Variants in CEP95 observed in about 807,000 individuals in gnomAD.
CEP95 encodes centrosomal protein of 95 kDa.
In CEP95, 98 loss-of-function variants were observed where a neutral mutation model predicts 111.2. That is an observed-to-expected ratio of 0.88 (90% CI 0.75 to 1.04). The LOEUF is 1.04. Ranked by LOEUF, CEP95 falls within the 50% of genes least tolerant of loss-of-function variation. The pLI is 0.00. For synonymous variants in CEP95, 323 were observed against 327.1 expected (o/e 0.99, Z 0.14); for missense variants, 1,027 against 977.2 (o/e 1.05, Z -0.68).
Position 64,527,271 on chromosome 17 carries a change from AC to A in CEP95, c.1306+11del, listed in dbSNP as rs1296574164. ...CCAAAGAAGTCAAGGCCAGGTACTT[AC>A]CCCAGAGAGACTGAGAAGGGGGACA... On this transcript the variant is annotated splice_region_variant and intron_variant, in intron 11 of 19. Coordinates refer to ENST00000556440, the MANE Select transcript of CEP95 (RefSeq NM_138363.3). 1.1e-5 allele frequency: 18 copies of A among 1,596,438 alleles called. No individual in the cohort carries two copies. Among genetic ancestry groups the A allele is most frequent in the Admixed American group, 1.7e-5 (1 of 57,176 alleles).
rs782027677 is a variant in CEP95 at position 64,521,476 on chromosome 17, T to C, written c.664T>C (p.Leu222=). The change falls in exon 7 of 20, where the codon TTG becomes CTG. Residue 222 remains leucine, a synonymous_variant. Coordinates refer to ENST00000556440, the MANE Select transcript of CEP95 (RefSeq NM_138363.3). Reference sequence around the variant, plus strand: ...AAGTTCTAAATCACATGAAGATATGTTGTACCCTCCTAGTGTTTTGTCCAA... The same window carrying C: ...AAGTTCTAAATCACATGAAGATATGCTGTACCCTCCTAGTGTTTTGTCCAA... ...SPSSKSHEDM[L]YPPSVLSKSR... The C allele has an allele frequency of 6.2e-7, 1 of 1,612,944 alleles. No homozygotes were observed. The highest frequency in any genetic ancestry group is 1.7e-5 in the Admixed American group (1 of 59,958).
chr17:64,520,442 A>G (rs1180227557), intron 6 of CEP95: 1 of 148,900 alleles, frequency 6.7e-6, no homozygotes, highest in African/African-American at 2.5e-5. Context: ...TTAAGCTTCA[A>G]TATATGGACC....
At chr17:64,516,870 C>CT (rs782393422) in intron 5 of CEP95, 42 bp downstream of exon 5, 3 of 1,169,000 alleles carry the variant, frequency 2.6e-6, no homozygotes, top group Non-Finnish European at 1.3e-6. Flanking sequence ...ACAAGTTACG[C>CT]TTTTTGGACT....
chr17:64,507,036 C>G lies in CEP95; in HGVS notation c.-62C>G. The G allele has an allele frequency of 6.5e-7, 1 of 1,547,730 alleles. No individual in the cohort carries two copies. The highest frequency in any genetic ancestry group is 8.7e-7 in the Non-Finnish European group (1 of 1,144,438). On this transcript the variant is annotated 5_prime_UTR_variant, in exon 1 of 20. Coordinates refer to ENST00000556440, the MANE Select transcript of CEP95 (RefSeq NM_138363.3). The stretch of plus-strand genomic sequence containing the variant: ...AGTGTCGGGTCTGCGTGGATCGGTC[C>G]TTCCAGGACACCGTCGCCTTCCCGG...
At chr17:64,527,868 GTGTA>G (rs782075960) in intron 11 of CEP95, among the ~76,000 whole-genome samples, 26 of 120,700 alleles carry the variant, frequency 2.2e-4, no homozygotes, top group South Asian at 5.5e-4. Flanking sequence ...GTGTGTGTGT[GTGTA>G]TATATATATA....
intron 7 of CEP95, among the ~76,000 whole-genome samples, chr17:64,521,991 G>A (rs1276926348): frequency 1.3e-5 from 2 of 151,902 alleles, no homozygotes; most frequent in Admixed American, 6.6e-5. Flanking sequence ...CAAGTAGCTG[G>A]GATTATAGGC....
chr17:64,532,395 CA>C (rs1968342926), intron 14 of CEP95: 1 of 985,372 alleles, frequency 1.0e-6, no homozygotes, highest in African/African-American at 1.7e-5. Context: ...TTGACAGTGC[CA>C]ATGAGTGTAG....
rs782480882 is a variant in CEP95, at chr17:64,533,239, C to A, written c.1917+48C>A. On this transcript the variant is annotated intron_variant, in intron 16 of 19. Transcript: ENST00000556440. ...ATTATAATTCTGAATTTGTTATATTCATTCCCTTTATCTGTGCTAGCTGGG... is the reference window on the plus strand; with the variant it reads ...ATTATAATTCTGAATTTGTTATATTAATTCCCTTTATCTGTGCTAGCTGGG... The A allele has an allele frequency of 9.6e-6, 14 of 1,458,192 alleles. 1 individual carries two copies. In the South Asian group the frequency reaches 1.2e-4, roughly 13 times the overall value. The allele number at this position is 1,458,192 out of a possible 1,614,324, so 90.3% of individuals were successfully genotyped here.
upstream of CEP95, chr17:64,506,783 C>T (rs900487570): frequency 4.1e-5 from 22 of 534,330 alleles, no homozygotes; most frequent in Non-Finnish European, 5.0e-5. Context: ...ACCCCGGGAC[C>T]CGCCCGGGCT....
rs1968099100 is a variant in CEP95, at chr17:64,529,355, C to CA, written c.1377dup (p.Gln460ThrfsTer27). The CA allele has an allele frequency of 6.2e-7, 1 of 1,613,690 alleles. No homozygotes were observed. The highest frequency in any genetic ancestry group is 1.3e-5 in the African/African-American group (1 of 74,932). On this transcript the variant is annotated frameshift_variant, in exon 12 of 20. Coordinates refer to ENST00000556440, the MANE Select transcript of CEP95 (RefSeq NM_138363.3). LOFTEE classifies it high-confidence loss of function. Reference sequence around the variant, plus strand: ...TCTCTCCATCTCCAGTTAACAAACACAAACAGTTCCACTTGGAGAGAAAAA... The same window carrying CA: ...TCTCTCCATCTCCAGTTAACAAACACAAAACAGTTCCACTTGGAGAGAAAAA...
chr17:64,521,411 G>GTCC lies in CEP95; in HGVS notation c.601_603dup (p.Pro201dup). Reference sequence around the variant, plus strand: ...ATATTTTCTTTCCTAGGTGCTCAATGTCCTAATGAAATGCTGTCTAAAAAA... The same window carrying GTCC: ...ATATTTTCTTTCCTAGGTGCTCAATGTCCTCCTAATGAAATGCTGTCTAAAAAA... On this transcript the variant is annotated inframe_insertion, in exon 7 of 20. Transcript: ENST00000556440. 1 of 1,609,848 alleles carries GTCC rather than the reference G, an allele frequency of 6.2e-7. No homozygotes were observed. The highest frequency in any genetic ancestry group is 8.5e-7 in the Non-Finnish European group (1 of 1,176,998).
In CEP95 at chr17:64,537,126, T is replaced by C. The variant is rs1568161462; in HGVS notation, c.2289+14T>C. On this transcript the variant is annotated intron_variant, in intron 19 of 19. Coordinates refer to ENST00000556440, the MANE Select transcript of CEP95 (RefSeq NM_138363.3). ...TCTCAGGCCCAGGTAATAATTAAGA[T>C]AGAAGCCAAGTCATGCACTGCATGG... 1.9e-6 allele frequency: 3 copies of C among 1,609,114 alleles called. No individual in the cohort carries two copies. Among genetic ancestry groups the C allele is most frequent in the East Asian group, 2.2e-5 (1 of 44,682 alleles).
At chr17:64,521,015 G>A (rs891581882) in intron 6 of CEP95, among the ~76,000 whole-genome samples, 3 of 152,084 alleles carry the variant, frequency 2.0e-5, no homozygotes, top group African/African-American at 7.2e-5. Context: ...AGGCTGAGGT[G>A]GGCGGATCAC....
At chr17:64,532,196 A>G in intron 14 of CEP95, 174 bp downstream of exon 14, 2 of 1,292,562 alleles carry the variant, frequency 1.5e-6, no homozygotes, top group Non-Finnish European at 2.0e-6. Flanking sequence ...AAACTCTTCA[A>G]TAAGGAAGTA....
At chr17:64,517,193 C>G (rs544279336) in intron 5 of CEP95, among the ~76,000 whole-genome samples, 5 of 152,086 alleles carry the variant, frequency 3.3e-5, no homozygotes, top group African/African-American at 1.2e-4. Context: ...ATTACAGGCA[C>G]GCGCCACCAT....
chr17:64,514,270 TA>T lies in CEP95; in HGVS notation c.282del (p.Glu95AsnfsTer99), dbSNP rs1568127435. 1 of 1,450,972 alleles carries T rather than the reference TA, an allele frequency of 6.9e-7. No homozygotes were observed. The highest frequency in any genetic ancestry group is 2.0e-5 in the Admixed American group (1 of 50,808). 89.9% of individuals were successfully genotyped at this position (1,450,972 alleles called of 1,614,324 possible). ...CAGGAGAAAATATAGTGAAAGGAGA[TA>T]AAGAATCTATTAAGAATCTCCTGGA... ...ITGENIVKGDKESIKNLLEIF... is the reference protein window; with the variant it reads ...ITGENIVKGDXESIKNLLEIF... On this transcript the variant is annotated frameshift_variant, in exon 4 of 20. Transcript: ENST00000556440. LOFTEE classifies it high-confidence loss of function.
In CEP95 at chr17:64,511,307, T is replaced by C. The variant is rs148932997; in HGVS notation, c.256+1027T>C. 4.5e-4 allele frequency among the ~76,000 whole-genome samples: 69 copies of C among 152,292 alleles called. 1 individual carries two copies. Among genetic ancestry groups the C allele is most frequent in the African/African-American group, 9.4e-4 (39 of 41,574 alleles). ...CTTCCTAATAAGCCTGGGAGCGATA[T>C]GGGAGACTGAGGTCTATTTCAGCCC... On this transcript the variant is annotated intron_variant, in intron 3 of 19. Coordinates refer to ENST00000556440, the MANE Select transcript of CEP95 (RefSeq NM_138363.3).
upstream of CEP95, chr17:64,506,956 T>G (rs2038565880): frequency 8.0e-6 from 7 of 879,194 alleles, no homozygotes; most frequent in South Asian, 7.1e-5. Context: ...TCTTTTAACG[T>G]CCGTCCTTCT....
At chr17:64,533,561 C>T (rs959296721) in intron 16 of CEP95, among the ~76,000 whole-genome samples, 8 of 152,108 alleles carry the variant, frequency 5.3e-5, no homozygotes, top group Admixed American at 2.6e-4. Context: ...GAGCTATGAT[C>T]TTGCCACTGC....
Sources: gnomAD v4.1 joint callset for allele counts (sites outside exome capture counted in the v4.1 genomes callset) on GRCh38, gnomAD v4.1.1 for gene constraint, MANE v1.5 for transcripts, NCBI Gene and HGNC (gene_info 2026-07-23, HGNC 2026-07-21) for gene names.